Variants in SCFD2 observed in about 807,000 individuals in gnomAD.
SCFD2 encodes the protein sec1 family domain containing 2.
SCFD2 carries 54 observed loss-of-function variants against 58.9 expected under a neutral mutation model. The ratio of observed to expected loss-of-function variants is 0.92; its 90% CI spans 0.74 to 1.15. The LOEUF is 1.15. SCFD2 is among the 50% of genes most tolerant of loss of function. SCFD2 has a pLI of 0.00. For missense variants in SCFD2, 805 were observed against 836.6 expected, an observed-to-expected ratio of 0.96 and a Z score of 0.47; for synonymous variants, 321 against 335.9, an observed-to-expected ratio of 0.96 and a Z score of 0.49.
chr4:53,293,611 T>G (rs1442422080), intron 3 of SCFD2, among the ~76,000 whole-genome samples: 1 of 152,232 alleles, frequency 6.6e-6, no homozygotes, highest in Admixed American at 6.5e-5. Flanking sequence ...ATGGTTTATG[T>G]GCAGAAAGTT....
chr4:52,903,957 C>T (rs1365036334), intron 7 of SCFD2, among the ~76,000 whole-genome samples: 1 of 152,136 alleles, frequency 6.6e-6, no homozygotes, highest in African/African-American at 2.4e-5. Flanking sequence ...AAAGTATGAA[C>T]AAAATGTATA....
chr4:53,128,472 A>G (rs1028008590), intron 5 of SCFD2, among the ~76,000 whole-genome samples: 10 of 152,200 alleles, frequency 6.6e-5, no homozygotes, highest in African/African-American at 2.4e-4. Flanking sequence ...TCCGAGGAGA[A>G]CAACTTGAAG....
At chr4:52,972,887 G>C (rs1321816523) in intron 5 of SCFD2, among the ~76,000 whole-genome samples, 2 of 152,136 alleles carry the variant, frequency 1.3e-5, no homozygotes, top group Non-Finnish European at 2.9e-5. Flanking sequence ...TCAACTACAT[G>C]GAAGCTGAAC....
chr4:53,055,828 G>A (rs915083558), intron 5 of SCFD2, among the ~76,000 whole-genome samples: 1 of 152,032 alleles, frequency 6.6e-6, no homozygotes, highest in Non-Finnish European at 1.5e-5. Context: ...TAGGGTCTGG[G>A]TATTGGAGTG....
At chr4:52,912,871 A>G (rs1468850449) in intron 6 of SCFD2, among the ~76,000 whole-genome samples, 1 of 152,196 alleles carries the variant, frequency 6.6e-6, no homozygotes, top group African/African-American at 2.4e-5. Flanking sequence ...AGGTGGTGAT[A>G]GTGGAGACAG....
chr4:52,916,600 A>T (rs966812198), intron 6 of SCFD2, among the ~76,000 whole-genome samples: 4 of 152,072 alleles, frequency 2.6e-5, no homozygotes, highest in Non-Finnish European at 5.9e-5. Flanking sequence ...AAAACAGAAA[A>T]AACACTTTCT....
At chr4:53,120,756 G>A (rs1725456044) in intron 5 of SCFD2, among the ~76,000 whole-genome samples, 1 of 152,194 alleles carries the variant, frequency 6.6e-6, no homozygotes, top group South Asian at 2.1e-4. Context: ...GGTCACCAAA[G>A]TTTAATGTCC....
chr4:52,990,285 G>T (rs746943473), intron 5 of SCFD2, among the ~76,000 whole-genome samples: 1 of 152,112 alleles, frequency 6.6e-6, no homozygotes. Flanking sequence ...AATATATAAG[G>T]CTCTGAATGA....
intron 5 of SCFD2, among the ~76,000 whole-genome samples, chr4:53,008,305 C>T (rs1445396777): frequency 6.6e-6 from 1 of 152,180 alleles, no homozygotes; most frequent in Non-Finnish European, 1.5e-5. Flanking sequence ...AGAGAGCCTA[C>T]TGGTGCAGTC....
At chr4:53,304,637 C>T (rs917942386) in intron 3 of SCFD2, among the ~76,000 whole-genome samples, 2 of 151,840 alleles carry the variant, frequency 1.3e-5, no homozygotes, top group Non-Finnish European at 2.9e-5. Flanking sequence ...CTTGTGTATG[C>T]TTCATGAAGT....
At chr4:53,228,036 C>T (rs12505661) in intron 4 of SCFD2, among the ~76,000 whole-genome samples, 1 of 152,114 alleles carries the variant, frequency 6.6e-6, no homozygotes, top group Non-Finnish European at 1.5e-5. Flanking sequence ...AACTATGTAA[C>T]CTAGGTAAAT....
intron 5 of SCFD2, among the ~76,000 whole-genome samples, chr4:53,114,502 T>G (rs1221905434): frequency 6.6e-6 from 1 of 152,132 alleles, no homozygotes; most frequent in African/African-American, 2.4e-5. Flanking sequence ...CTGTACTCAA[T>G]CCAGCCCAAA....
chr4:53,248,180 C>T (rs924189986), intron 4 of SCFD2, among the ~76,000 whole-genome samples: 1 of 152,178 alleles, frequency 6.6e-6, no homozygotes, highest in Non-Finnish European at 1.5e-5. Context: ...CCTTGAAAAT[C>T]GGGCCACTCC....
At chr4:53,318,610 A>G (rs1732932792) in intron 2 of SCFD2, among the ~76,000 whole-genome samples, 1 of 152,148 alleles carries the variant, frequency 6.6e-6, no homozygotes. Context: ...GACTCTATTT[A>G]AACCTAAACC....
At chr4:53,359,560 T>C (rs1734494257) in intron 1 of SCFD2, among the ~76,000 whole-genome samples, 1 of 152,174 alleles carries the variant, frequency 6.6e-6, no homozygotes. Flanking sequence ...TCCCTGTCTT[T>C]ACAAAAAATA....
At chr4:53,284,947 GT>G (rs1731619348) in intron 3 of SCFD2, among the ~76,000 whole-genome samples, 1 of 152,166 alleles carries the variant, frequency 6.6e-6, no homozygotes, top group Non-Finnish European at 1.5e-5. Context: ...TAGGTTTCTG[GT>G]TACACAATTT....
chr4:53,201,210 T>C (rs1208915530), intron 4 of SCFD2, among the ~76,000 whole-genome samples: 1 of 150,372 alleles, frequency 6.7e-6, no homozygotes, highest in Non-Finnish European at 1.5e-5. Context: ...GTGTGTGATG[T>C]TCCCCTTCCT....
At chr4:53,317,031 CG>C (rs1359645904) in intron 2 of SCFD2, among the ~76,000 whole-genome samples, 3 of 150,520 alleles carry the variant, frequency 2.0e-5, no homozygotes, top group Non-Finnish European at 4.4e-5. Flanking sequence ...CGTTTGAACC[CG>C]GGAGGTAGAG....
At chr4:52,986,148 C>T (rs1721486048) in intron 5 of SCFD2, among the ~76,000 whole-genome samples, 1 of 152,082 alleles carries the variant, frequency 6.6e-6, no homozygotes, top group South Asian at 2.1e-4. Context: ...AGCTGAGCCT[C>T]TTTGCCCCGT....
Sources: allele counts gnomAD v4.1 joint callset (sites outside exome capture counted in the v4.1 genomes callset), GRCh38; gene constraint gnomAD v4.1.1; transcripts MANE v1.5; gene names NCBI Gene and HGNC (gene_info 2026-07-23, HGNC 2026-07-21).